Variants in PASK observed in about 807,000 individuals in gnomAD.
PASK encodes PAS domain-containing serine/threonine-protein kinase.
PASK carries 110 observed loss-of-function variants against 121.0 expected under a neutral mutation model. The ratio of observed to expected loss-of-function variants is 0.91; its 90% CI spans 0.78 to 1.06. PASK has a LOEUF of 1.06. PASK is among the 50% of genes least tolerant of loss of function. PASK has a pLI of 0.00. For synonymous variants in PASK, 686 were observed against 717.8 expected (o/e 0.96, Z 0.71); for missense variants, 1,643 against 1,702.3 (o/e 0.97, Z 0.61).
In PASK at chr2:241,143,050, A is replaced by T. The variant is rs1217517192; in HGVS notation, c.-18T>A. On this transcript the variant is annotated 5_prime_UTR_variant, in exon 2 of 18. The change creates a new upstream start codon in the 5' untranslated region. Coordinates refer to ENST00000234040, the MANE Select transcript of PASK (RefSeq NM_015148.4). ...TCCTCCATGGGAAGAAGGGAGGCCAACTGCCAAGCTTCCAACTCTAACAAC... is the reference window on the plus strand; with the variant it reads ...TCCTCCATGGGAAGAAGGGAGGCCATCTGCCAAGCTTCCAACTCTAACAAC... 3.1e-6 allele frequency: 5 copies of T among 1,595,726 alleles called. No homozygotes were observed. In the South Asian group the frequency reaches 5.5e-5, roughly 18 times the overall value.
intron 10 of PASK, among the ~76,000 whole-genome samples, chr2:241,124,850 A>G (rs1382967008): frequency 6.6e-6 from 1 of 152,252 alleles, no homozygotes; most frequent in Non-Finnish European, 1.5e-5. Context: ...AACTGGCTAA[A>G]ATAATGTGGA....
chr2:241,131,978 A>C (rs113620710), intron 9 of PASK, among the ~76,000 whole-genome samples: 1,521 of 145,466 alleles, frequency 0.01, 39 homozygotes, highest in African/African-American at 0.035. Context: ...CACTTGAACC[A>C]GGGGGCAGAA....
Position 241,126,440 on chromosome 2 carries a change from C to A in PASK, c.2475G>T (p.Pro825=). 7 of 1,614,252 alleles carry A rather than the reference C, an allele frequency of 4.3e-6. No homozygotes were observed. The highest frequency in any genetic ancestry group is 1.3e-5 in the African/African-American group (1 of 75,060). The change falls in exon 10 of 18, where the codon CCG becomes CCT. Residue 825 remains proline, a synonymous_variant. Transcript: ENST00000234040. ...ESCVGHDPTE[P]LEVCLVSSEH... ...CAGAGGACACCAAACAAACCTCAAG[C>A]GGTTCTGTTGGATCATGTCCCACAC...
At position 241,117,571 on chromosome 2, in the gene PASK, G is replaced by A. The variant is rs182365588; in HGVS notation, c.3073-2158C>T. Among the ~76,000 whole-genome samples the A allele has an allele frequency of 3.3e-3, 504 of 152,314 alleles. 1 individual carries two copies. Among genetic ancestry groups the A allele is most frequent in the Non-Finnish European group, 5.9e-3 (403 of 68,030 alleles). On this transcript the variant is annotated intron_variant, in intron 12 of 17. Transcript: ENST00000234040. ...AAAGAACGGAAGCTTTAAATATTCA[G>A]ATCAAAGTCTTACCAAGTATCAAGC...
At position 241,126,840 on chromosome 2, in the gene PASK, G is replaced by A. The variant is rs886109968; in HGVS notation, c.2075C>T (p.Ala692Val). Residue 692 changes from alanine to valine, a missense_variant, in exon 10 of 18, where the codon GCT becomes GTT. Ala to Val is a moderately conservative substitution (Grantham distance 64). Transcript: ENST00000234040. ...TCCCAGATCGCAGGACGACACAGGA[G>A]CGGTGACAGCCTGGCACTCTGTCGG... is the stretch of plus-strand genomic sequence containing the variant. ...LVPTECQAVT[A>V]PVSSCDLGGR... 3.1e-6 allele frequency: 5 copies of A among 1,612,878 alleles called. No homozygotes were observed. The highest frequency in any genetic ancestry group is 3.3e-4 in the Middle Eastern group (2 of 6,082).
In PASK at chr2:241,126,937, AG is replaced by A; in HGVS notation, c.1977del (p.Cys660AlafsTer2). ...GVENDREELQTCLIKEQLSQL... is the reference protein window; with the variant it reads ...GVENDREELQXCLIKEQLSQL... The stretch of plus-strand genomic sequence containing the variant: ...TGGGACAGCTGCTCCTTAATCAAGC[AG>A]GTCTGCAGCTCTTCTCGGTCGTTTT... On this transcript the variant is annotated frameshift_variant, in exon 10 of 18. Coordinates refer to ENST00000234040, the MANE Select transcript of PASK (RefSeq NM_015148.4). LOFTEE classifies it high-confidence loss of function. 6.2e-7 allele frequency: 1 copy of A among 1,614,156 alleles called. No individual in the cohort carries two copies. Among genetic ancestry groups the A allele is most frequent in the Non-Finnish European group, 8.5e-7 (1 of 1,180,014 alleles).
upstream of PASK, chr2:241,149,892 C>T: frequency 6.9e-7 from 1 of 1,441,074 alleles, no homozygotes; most frequent in East Asian, 2.5e-5. Flanking sequence ...GCTAGCGGCC[C>T]CACCAGCGCA....
upstream of PASK, chr2:241,149,665 G>T (rs1226029533): frequency 1.3e-6 from 2 of 1,545,176 alleles, no homozygotes; most frequent in South Asian, 2.4e-5. Flanking sequence ...CTCCGCCCCC[G>T]GGCCGGGCAG....
At chr2:241,115,851 C>CA (rs2065326297) in intron 12 of PASK, among the ~76,000 whole-genome samples, 1 of 136,502 alleles carries the variant, frequency 7.3e-6, no homozygotes, top group Admixed American at 7.2e-5. Context: ...CCCATTACGC[C>CA]GGGGCCACCC....
At position 241,142,845 on chromosome 2, in the gene PASK, G is replaced by A. The variant is rs756873070; in HGVS notation, c.188C>T (p.Ala63Val). 6.2e-6 allele frequency: 10 copies of A among 1,611,774 alleles called. No homozygotes were observed. The highest frequency in any genetic ancestry group is 5.5e-5 in the South Asian group (5 of 91,024). Residue 63 changes from alanine (A) to valine (V), a missense_variant, in exon 2 of 18, where the codon GCG (alanine) becomes GTG (valine). Coordinates refer to ENST00000234040, the MANE Select transcript of PASK (RefSeq NM_015148.4). ...GLSRLCQSRTALSEDRWSSYC... is the reference protein window; with the variant it reads ...GLSRLCQSRTVLSEDRWSSYC... ...TGGTCGAAGGTCATTACCAGAGAGC[G>A]CTGTCCTGCTCTGGCAGAGTCTGGA...
intron 6 of PASK, among the ~76,000 whole-genome samples, chr2:241,137,667 G>A (rs750396516): frequency 1.3e-5 from 2 of 152,200 alleles, no homozygotes; most frequent in Non-Finnish European, 2.9e-5. Context: ...CTGCGCAGCT[G>A]TGGATGTTAC....
intron 15 of PASK, among the ~76,000 whole-genome samples, chr2:241,111,825 G>A (rs1431611296): frequency 6.6e-6 from 1 of 152,166 alleles, no homozygotes; most frequent in Non-Finnish European, 1.5e-5. Context: ...CTCTGCCTCG[G>A]GACTTTCTCT....
chr2:241,118,548 A>G (rs1423021157), intron 12 of PASK, among the ~76,000 whole-genome samples: 8 of 151,734 alleles, frequency 5.3e-5, no homozygotes. Context: ...TCAAAAATAG[A>G]TCAAAGACTT....
chr2:241,114,791 T>G (rs527798848), intron 14 of PASK: 1 of 1,422,224 alleles, frequency 7.0e-7, no homozygotes, highest in Non-Finnish European at 9.1e-7. Flanking sequence ...AAATAAACCT[T>G]AACCATTAAA....
At chr2:241,132,185 A>G (rs1199440687) in intron 9 of PASK, among the ~76,000 whole-genome samples, 1 of 152,190 alleles carries the variant, frequency 6.6e-6, no homozygotes, top group Non-Finnish European at 1.5e-5. Flanking sequence ...CTAATTCTCT[A>G]ATATAAACTT....
chr2:241,149,700 T>C (rs778244242), upstream of PASK: 5 of 1,551,154 alleles, frequency 3.2e-6, no homozygotes, highest in Non-Finnish European at 3.5e-6. Context: ...CGACTCGCGA[T>C]CAAAATGGGT....
At chr2:241,124,713 C>T (rs2065776092) in intron 10 of PASK, among the ~76,000 whole-genome samples, 1 of 152,156 alleles carries the variant, frequency 6.6e-6, no homozygotes, top group Non-Finnish European at 1.5e-5. Flanking sequence ...GGTTTACAGC[C>T]CATTTTATTT....
chr2:241,145,060 G>C (rs7578042), intron 1 of PASK, among the ~76,000 whole-genome samples: 119,697 of 151,990 alleles, frequency 0.79, 47,248 homozygotes, highest in East Asian at 0.92. Context: ...ACTACAGGCA[G>C]CCGCCACCAC....
intron 12 of PASK, 77 bp from the exon 13 acceptor site, chr2:241,115,490 C>A: frequency 6.4e-7 from 1 of 1,561,852 alleles, no homozygotes; most frequent in East Asian, 2.2e-5. Context: ...GCCACCCAGT[C>A]CTCAAGCATC....
Sources: gnomAD v4.1 joint callset for allele counts (sites outside exome capture counted in the v4.1 genomes callset) on GRCh38, gnomAD v4.1.1 for gene constraint, MANE v1.5 for transcripts, NCBI Gene and HGNC (gene_info 2026-07-23, HGNC 2026-07-21) for gene names.